The following GDAP1 variants were observed in gnomAD, a reference collection of about 807,000 sequenced individuals.
GDAP1 encodes the protein ganglioside-induced differentiation-associated protein 1.
A neutral mutation model predicts 40.1 loss-of-function variants in GDAP1; 34 were observed. That is an observed-to-expected ratio of 0.85 (90% confidence interval 0.64 to 1.13). The LOEUF (loss-of-function observed/expected upper bound fraction) is 1.13. GDAP1 is among the 50% of genes most tolerant of loss of function. The pLI is 0.00. For synonymous variants in GDAP1, 170 were observed against 157.4 expected, an observed-to-expected ratio of 1.08 and a Z score of -0.60; for missense variants, 374 against 433.7, an observed-to-expected ratio of 0.86 and a Z score of 1.22.
chr8:74,368,268 G>GTA (rs1265358753), downstream of GDAP1, among the ~76,000 whole-genome samples: 8 of 152,134 alleles, frequency 5.3e-5, no homozygotes, highest in Admixed American at 5.2e-4. Context: ...TGACCAGCAT[G>GTA]TATAAGTACA....
chr8:74,378,484 A>G (rs1020879510), intron 2 of GDAP1, among the ~76,000 whole-genome samples: 1 of 152,138 alleles, frequency 6.6e-6, no homozygotes, highest in African/African-American at 2.4e-5. Context: ...TGGAACCCAC[A>G]CTTCTTGCTT....
chr8:74,407,487 A>T lies in GDAP1; in HGVS notation c.165+56166A>T, dbSNP rs916093853. On this transcript the variant is annotated intron_variant, in intron 2 of 2. Transcript: ENST00000523640. ...TGACTTGCTGAGTCTTCTGGCCTCCACCTTTCTCCCGTGCTGGATGCTTCC... is the reference window on the plus strand; with the variant it reads ...TGACTTGCTGAGTCTTCTGGCCTCCTCCTTTCTCCCGTGCTGGATGCTTCC... Among the ~76,000 whole-genome samples, 5 of 149,562 alleles carry T rather than the reference A, an allele frequency of 3.3e-5. 1 individual carries two copies. Among genetic ancestry groups the T allele is most frequent in the Non-Finnish European group, 7.4e-5 (5 of 67,984 alleles).
At chr8:74,413,315 G>C (rs1472256206) in intron 2 of GDAP1, among the ~76,000 whole-genome samples, 1 of 149,584 alleles carries the variant, frequency 6.7e-6, no homozygotes, top group Admixed American at 6.6e-5. Flanking sequence ...GCAAGAACTG[G>C]AAATACCACT....
At chr8:74,359,839 G>A (rs1216941256) in intron 2 of GDAP1, among the ~76,000 whole-genome samples, 1 of 152,212 alleles carries the variant, frequency 6.6e-6, no homozygotes. Flanking sequence ...GGCAGTTGTA[G>A]GAGGTTAGGG....
chr8:74,391,511 C>T (rs1012169768), intron 2 of GDAP1, among the ~76,000 whole-genome samples: 1 of 151,682 alleles, frequency 6.6e-6, no homozygotes, highest in Non-Finnish European at 1.5e-5. Context: ...GGGCTGCACC[C>T]ACTGTCTAAC....
intron 2 of GDAP1, among the ~76,000 whole-genome samples, chr8:74,425,876 A>T (rs1805941430): frequency 6.6e-6 from 1 of 152,106 alleles, no homozygotes; most frequent in East Asian, 1.9e-4. Context: ...TTCTTTAATT[A>T]TCTCAATTAT....
chr8:74,393,402 A>AT (rs1164082443), intron 2 of GDAP1, among the ~76,000 whole-genome samples: 26 of 152,224 alleles, frequency 1.7e-4, no homozygotes, highest in Admixed American at 1.7e-3. Flanking sequence ...GAATGATGGT[A>AT]TAAGATATGA....
chr8:74,456,411 C>T (rs545873350), intron 2 of GDAP1, among the ~76,000 whole-genome samples: 1 of 151,948 alleles, frequency 6.6e-6, no homozygotes, highest in South Asian at 2.1e-4. Context: ...TTTCCTACTG[C>T]TTAGTATCCA....
intron 2 of GDAP1, among the ~76,000 whole-genome samples, chr8:74,408,175 G>A (rs1234266821): frequency 6.7e-6 from 1 of 150,058 alleles, no homozygotes; most frequent in Non-Finnish European, 1.5e-5. Flanking sequence ...AATAAGAAAA[G>A]AGGAAGAGTG....
At chr8:74,399,200 G>GGT (rs1488002555) in intron 2 of GDAP1, among the ~76,000 whole-genome samples, 38 of 150,492 alleles carry the variant, frequency 2.5e-4, no homozygotes, top group African/African-American at 9.0e-4. Context: ...TGGTTGGTAA[G>GGT]CTATTGATTA....
Position 74,449,500 on chromosome 8 carries a change from A to C in GDAP1, c.166-39178A>C, listed in dbSNP as rs546440189. On this transcript the variant is annotated intron_variant, in intron 2 of 2. Transcript: ENST00000523640. ...ATTTATTTAGGTCTTAGATTTTTCT[A>C]AACAGTGTTTTGTAGTTTTTAGTTC... Among the ~76,000 whole-genome samples the C allele has an allele frequency of 2.0e-5, 3 of 151,998 alleles. No homozygotes were observed. The South Asian group carries it at 6.2e-4, about 31-fold the overall frequency.
At chr8:74,362,815 T>G in intron 4 of GDAP1, 124 bp from the exon 5 acceptor site, 1 of 454,236 alleles carries the variant, frequency 2.2e-6, no homozygotes, top group Non-Finnish European at 3.9e-6. Flanking sequence ...GCTGAGTTTT[T>G]CTATTTCTTC....
At chr8:74,475,996 T>A (rs1806624391) in intron 2 of GDAP1, among the ~76,000 whole-genome samples, 1 of 152,230 alleles carries the variant, frequency 6.6e-6, no homozygotes, top group Admixed American at 6.5e-5. Flanking sequence ...TTAAGATGGT[T>A]AGGTCTTCTT....
intron 2 of GDAP1, among the ~76,000 whole-genome samples, chr8:74,402,558 C>T (rs1810365481): frequency 1.3e-5 from 2 of 150,128 alleles, no homozygotes; most frequent in South Asian, 2.1e-4. Context: ...TGCGCTGCAC[C>T]CACTGTCCTG....
At chr8:74,393,770 C>T (rs752903881) in intron 2 of GDAP1, among the ~76,000 whole-genome samples, 5 of 152,110 alleles carry the variant, frequency 3.3e-5, no homozygotes, top group African/African-American at 4.8e-5. Flanking sequence ...TTGCAATACT[C>T]AAGTGTAATT....
chr8:74,475,191 A>G (rs532993446), intron 2 of GDAP1, among the ~76,000 whole-genome samples: 3 of 151,866 alleles, frequency 2.0e-5, no homozygotes, highest in African/African-American at 7.2e-5. Flanking sequence ...TAATATAGCT[A>G]GCAGTCTATC....
chr8:74,363,536 CTA>C (rs1389721827), intron 5 of GDAP1, among the ~76,000 whole-genome samples: 1 of 152,186 alleles, frequency 6.6e-6, no homozygotes, highest in African/African-American at 2.4e-5. Flanking sequence ...GAGTTGAAGA[CTA>C]TGTTACCTGT....
At chr8:74,409,656 A>G (rs1805683782) in intron 2 of GDAP1, among the ~76,000 whole-genome samples, 1 of 149,962 alleles carries the variant, frequency 6.7e-6, no homozygotes, top group African/African-American at 2.5e-5. Flanking sequence ...CCTGACCCTC[A>G]GTTCCTTTCT....
intron 2 of GDAP1, among the ~76,000 whole-genome samples, chr8:74,447,217 CTG>C (rs1806240319): frequency 6.6e-6 from 1 of 152,042 alleles, no homozygotes; most frequent in Non-Finnish European, 1.5e-5. Flanking sequence ...TCTTTTTACC[CTG>C]TGTCTTCCAA....
Sources: allele counts gnomAD v4.1 joint callset (sites outside exome capture counted in the v4.1 genomes callset), GRCh38; gene constraint gnomAD v4.1.1; transcripts MANE v1.5; gene names NCBI Gene and HGNC (gene_info 2026-07-23, HGNC 2026-07-21).